Variants in NEK10 observed in about 807,000 individuals in gnomAD.
NEK10 encodes the protein serine/threonine-protein kinase Nek10.
A neutral mutation model predicts 159.8 loss-of-function variants in NEK10; 122 were observed. The observed-to-expected ratio is 0.76, with a 90% CI of 0.66 to 0.89. The LOEUF is 0.89. Ranked by LOEUF, NEK10 falls within the 40% of genes least tolerant of loss-of-function variation. The pLI, the probability that NEK10 is intolerant of heterozygous loss-of-function variation, is 0.00. For missense variants in NEK10, 1,342 were observed against 1,323.1 expected, an observed-to-expected ratio of 1.01 and a Z score of -0.22; for synonymous variants, 466 against 457.1, an observed-to-expected ratio of 1.02 and a Z score of -0.25.
At chr3:27,289,704 A>G (rs2042864613) in intron 19 of NEK10, among the ~76,000 whole-genome samples, 1 of 152,232 alleles carries the variant, frequency 6.6e-6, no homozygotes. Context: ...CTACAATGAA[A>G]GAGCACACTG....
intron 1 of NEK10, among the ~76,000 whole-genome samples, chr3:27,364,348 T>TGTG (rs2048897607): frequency 1.7e-5 from 2 of 120,568 alleles, no homozygotes; most frequent in African/African-American, 6.1e-5. Flanking sequence ...GCCTGGCTAA[T>TGTG]TGTGTGTGTG....
At chr3:27,254,067 G>C (rs1955929584) in intron 23 of NEK10, among the ~76,000 whole-genome samples, 1 of 152,056 alleles carries the variant, frequency 6.6e-6, no homozygotes. Flanking sequence ...CTCTCATCCG[G>C]TGCGCAGGGC....
chr3:27,182,102 G>A (rs1948171567), intron 26 of NEK10, among the ~76,000 whole-genome samples: 1 of 152,022 alleles, frequency 6.6e-6, no homozygotes, highest in African/African-American at 2.4e-5. Context: ...CGGTGAGATG[G>A]GAGGATAAGT....
chr3:27,130,376 T>C (rs1165853055), intron 32 of NEK10, among the ~76,000 whole-genome samples: 1 of 152,140 alleles, frequency 6.6e-6, no homozygotes, highest in Non-Finnish European at 1.5e-5. Flanking sequence ...CAATGAGAGA[T>C]GCTGCCACAA....
chr3:27,208,194 G>A (rs1256634473), intron 23 of NEK10, among the ~76,000 whole-genome samples: 1 of 151,978 alleles, frequency 6.6e-6, no homozygotes, highest in Non-Finnish European at 1.5e-5. Context: ...TAATGAGGGT[G>A]CGGAAACTTG....
chr3:27,283,575 A>G (rs3099215), intron 22 of NEK10, among the ~76,000 whole-genome samples: 2,495 of 152,278 alleles, frequency 0.016, 76 homozygotes, highest in African/African-American at 0.057. Context: ...TAGTTAGTGA[A>G]CCATTAAAGT....
rs201431204 is a variant in NEK10, at chr3:27,311,036, C to T, written c.569-20G>A. The T allele has an allele frequency of 2.8e-4, 425 of 1,518,848 alleles. 3 individuals carry two copies. The African/African-American group carries it at 3.3e-3, about 12-fold the overall frequency. 94.1% of individuals were successfully genotyped at this position (1,518,848 alleles called of 1,614,324 possible). Reference sequence around the variant, plus strand: ...AAATATCTATAAAGGAAAGAAAGAGCGCAAAGAGGCATCCAGAGATTAAAG... The same window carrying T: ...AAATATCTATAAAGGAAAGAAAGAGTGCAAAGAGGCATCCAGAGATTAAAG... On this transcript the variant is annotated intron_variant, in intron 8 of 35. Coordinates refer to ENST00000691995, the MANE Select transcript of NEK10 (RefSeq NM_001394966.1).
rs757086345 is a variant in NEK10, at chr3:27,111,268, A to C, written c.*4T>G. On this transcript the variant is annotated 3_prime_UTR_variant, in exon 36 of 36. Transcript: ENST00000691995. ...AAATCAAGTCCACTCAAAATGCAGC[A>C]TTTTCATCTTTTGGTTGGGTGATTC... is the stretch of plus-strand genomic sequence containing the variant. 4 of 1,609,230 alleles carry C rather than the reference A, an allele frequency of 2.5e-6. No homozygotes were observed. The highest frequency in any genetic ancestry group is 1.7e-5 in the Admixed American group (1 of 59,464).
At chr3:27,111,411 A>G (rs1939513723) in intron 35 of NEK10, 91 bp from the exon 36 acceptor site, 2 of 955,838 alleles carry the variant, frequency 2.1e-6, no homozygotes, top group Non-Finnish European at 3.1e-6. Flanking sequence ...CAGGCATATA[A>G]GTAAATAAAT....
chr3:27,166,181 T>C (rs368514306), intron 29 of NEK10, among the ~76,000 whole-genome samples: 1 of 152,204 alleles, frequency 6.6e-6, no homozygotes, highest in African/African-American at 2.4e-5. Flanking sequence ...ATGTCCTGTG[T>C]GAATAAGCAA....
chr3:27,164,855 T>C (rs1946340959), intron 29 of NEK10, among the ~76,000 whole-genome samples: 1 of 152,218 alleles, frequency 6.6e-6, no homozygotes, highest in Non-Finnish European at 1.5e-5. Context: ...ACTCACATGA[T>C]GAGTTTGCAA....
intron 1 of NEK10, among the ~76,000 whole-genome samples, chr3:27,366,047 C>T (rs1031025986): frequency 6.6e-6 from 1 of 152,064 alleles, no homozygotes; most frequent in Non-Finnish European, 1.5e-5. Flanking sequence ...ATTACTATTC[C>T]CTCATCCTGC....
At chr3:27,318,063 A>G (rs550262318) in intron 6 of NEK10, among the ~76,000 whole-genome samples, 11 of 152,272 alleles carry the variant, frequency 7.2e-5, no homozygotes, top group African/African-American at 2.4e-4. Context: ...TCGGCCTCCT[A>G]AAGTGCTGGG....
rs1469019722 is a variant in NEK10 at position 27,119,789 on chromosome 3, C to A, written c.3161G>T (p.Gly1054Val). The A allele has an allele frequency of 1.2e-6, 2 of 1,613,960 alleles. No individual in the cohort carries two copies. The highest frequency in any genetic ancestry group is 1.7e-6 in the Non-Finnish European group (2 of 1,179,874). The change falls in exon 33 of 36, where the codon GGA (glycine) becomes GTA (valine). Residue 1054 changes from glycine (G) to valine (V), a missense_variant. Coordinates refer to ENST00000691995, the MANE Select transcript of NEK10 (RefSeq NM_001394966.1). ...AGGGTCATTTGGGGACAGGCTGTTTCCACCGGATGAACGATGTAATAAATG... is the reference window on the plus strand; with the variant it reads ...AGGGTCATTTGGGGACAGGCTGTTTACACCGGATGAACGATGTAATAAATG... ...DYHLLHRSSG[G>V]NSLSPNDPTG... is the part of the protein sequence containing the mutation.
In NEK10 at chr3:27,291,310, A is replaced by G. The variant is rs913398353; in HGVS notation, c.1557T>C (p.Tyr519=). Residue 519 remains tyrosine (Y), a synonymous_variant, in exon 18 of 36, where the codon TAT becomes TAC. Coordinates refer to ENST00000691995, the MANE Select transcript of NEK10 (RefSeq NM_001394966.1). Reference sequence around the variant, plus strand: ...CACTTCCAAGATGATCCAAAATTGCATAGTTGCCTATATATTTCAAAGGAG... The same window carrying G: ...CACTTCCAAGATGATCCAAAATTGCGTAGTTGCCTATATATTTCAAAGGAG... ...NKAPLKYIGN[Y]AILDHLGSGA... is the part of the protein sequence containing the mutation. The G allele has an allele frequency of 1.2e-6, 2 of 1,613,566 alleles. No individual in the cohort carries two copies. The highest frequency in any genetic ancestry group is 1.3e-5 in the African/African-American group (1 of 74,946).
At chr3:27,224,465 C>A (rs534634829) in intron 23 of NEK10, among the ~76,000 whole-genome samples, 21 of 151,580 alleles carry the variant, frequency 1.4e-4, no homozygotes, top group South Asian at 6.4e-4. Context: ...GGCCTATGGG[C>A]AAACTTTCAT....
chr3:27,211,483 C>T (rs927293218), intron 23 of NEK10, among the ~76,000 whole-genome samples: 1 of 152,122 alleles, frequency 6.6e-6, no homozygotes, highest in East Asian at 1.9e-4. Context: ...GTCAGATAGA[C>T]CAAGAACCTT....
intron 30 of NEK10, among the ~76,000 whole-genome samples, chr3:27,159,269 T>C (rs181281123): frequency 6.6e-6 from 1 of 152,302 alleles, no homozygotes; most frequent in East Asian, 1.9e-4. Context: ...GAAAACAATA[T>C]CTACCTGGAA....
chr3:27,198,879 G>C (rs1176672897), intron 25 of NEK10, among the ~76,000 whole-genome samples: 3 of 151,696 alleles, frequency 2.0e-5, no homozygotes, highest in African/African-American at 7.3e-5. Context: ...AGACCATCCT[G>C]GCTAACACCG....
Sources: allele counts gnomAD v4.1 joint callset (sites outside exome capture counted in the v4.1 genomes callset), GRCh38; gene constraint gnomAD v4.1.1; transcripts MANE v1.5; gene names NCBI Gene and HGNC (gene_info 2026-07-23, HGNC 2026-07-21).